Variants in ADAMTSL1 observed in about 807,000 individuals in gnomAD.
ADAMTSL1 encodes the protein ADAMTS like 1, also known as ADAMTS-like protein 1.
A neutral mutation model predicts 201.8 loss-of-function variants in ADAMTSL1; 126 were observed. The ratio of observed to expected loss-of-function variants is 0.62; its 90% CI spans 0.54 to 0.72. The LOEUF (loss-of-function observed/expected upper bound fraction) is 0.72. ADAMTSL1 is among the 30% of genes least tolerant of loss of function. The probability of loss-of-function intolerance (pLI) is 0.00; values close to 1 mark genes in which losing one functional copy is unlikely to be tolerated. For synonymous variants in ADAMTSL1, 1,121 were observed against 903.4 expected (o/e 1.24, Z -4.32); for missense variants, 2,679 against 2,277.8 (o/e 1.18, Z -3.59).
chr9:18,199,365 A>T (rs963515573), intron 2 of ADAMTSL1, among the ~76,000 whole-genome samples: 1 of 152,124 alleles, frequency 6.6e-6, no homozygotes, highest in African/African-American at 2.4e-5. Flanking sequence ...TAAAAATAAA[A>T]AATGAATATA....
chr9:18,339,707 T>G (rs1190322343), intron 2 of ADAMTSL1, among the ~76,000 whole-genome samples: 3 of 152,154 alleles, frequency 2.0e-5, no homozygotes, highest in African/African-American at 7.2e-5. Flanking sequence ...CCCAAAGTGT[T>G]GGGATAACAG....
chr9:18,118,175 A>G (rs1474371961), intron 1 of ADAMTSL1, among the ~76,000 whole-genome samples: 1 of 152,198 alleles, frequency 6.6e-6, no homozygotes, highest in Non-Finnish European at 1.5e-5. Flanking sequence ...TTGCATCTTG[A>G]TTAAAAAGAG....
At chr9:18,611,286 A>C (rs1471285688) in intron 4 of ADAMTSL1, among the ~76,000 whole-genome samples, 2 of 152,186 alleles carry the variant, frequency 1.3e-5, no homozygotes, top group Non-Finnish European at 2.9e-5. Context: ...GCAAGGCCAG[A>C]GGTCAGGCCT....
chr9:18,640,395 T>G (rs983797207), intron 7 of ADAMTSL1, among the ~76,000 whole-genome samples: 3 of 152,158 alleles, frequency 2.0e-5, no homozygotes, highest in Admixed American at 6.6e-5. Flanking sequence ...CTTTATTCTT[T>G]GAAGCCCTTG....
intron 1 of ADAMTSL1, among the ~76,000 whole-genome samples, chr9:18,476,493 G>A (rs190291141): frequency 2.2e-4 from 33 of 152,202 alleles, no homozygotes; most frequent in African/African-American, 7.2e-4. Context: ...AATATCATGA[G>A]CACTTGTTAA....
intron 23 of ADAMTSL1, among the ~76,000 whole-genome samples, chr9:18,854,020 T>G (rs1473331875): frequency 6.6e-6 from 1 of 152,126 alleles, no homozygotes; most frequent in Non-Finnish European, 1.5e-5. Context: ...GGTTGTAATC[T>G]TTCACCTTTT....
intron 1 of ADAMTSL1, among the ~76,000 whole-genome samples, chr9:17,909,042 G>A (rs1194137520): frequency 3.9e-4 from 58 of 149,346 alleles, no homozygotes; most frequent in African/African-American, 1.2e-3. Flanking sequence ...ATCTCATTGT[G>A]GTTTTGATTT....
upstream of ADAMTSL1, among the ~76,000 whole-genome samples, chr9:18,471,339 C>G (rs1335035600): frequency 2.0e-5 from 3 of 152,142 alleles, no homozygotes; most frequent in African/African-American, 7.2e-5. Context: ...TAAACCGTGG[C>G]TCAATGGCCA....
intron 2 of ADAMTSL1, among the ~76,000 whole-genome samples, chr9:18,285,904 T>A (rs1192804315): frequency 6.6e-6 from 1 of 152,176 alleles, no homozygotes; most frequent in Non-Finnish European, 1.5e-5. Context: ...CTGGGTTTTT[T>A]AGCATATTCA....
intron 2 of ADAMTSL1, among the ~76,000 whole-genome samples, chr9:18,359,683 G>T (rs1429800729): frequency 6.6e-6 from 1 of 152,060 alleles, no homozygotes; most frequent in Admixed American, 6.6e-5. Flanking sequence ...TCTTTTGTAA[G>T]CCTTCACCCA....
chr9:18,740,457 CT>C (rs66460645), intron 15 of ADAMTSL1, among the ~76,000 whole-genome samples: 66,595 of 126,300 alleles, frequency 0.53, 16,864 homozygotes, highest in South Asian at 0.66. Context: ...ATGTTCCTTT[CT>C]TTTTTTTTTT....
chr9:18,219,840 T>C (rs142701374), intron 2 of ADAMTSL1, among the ~76,000 whole-genome samples: 131 of 152,296 alleles, frequency 8.6e-4, no homozygotes, highest in African/African-American at 3.1e-3. Context: ...ACAACTGATA[T>C]CAAGTGTACT....
At chr9:18,148,878 G>C (rs1411793) in intron 1 of ADAMTSL1, among the ~76,000 whole-genome samples, 72,570 of 151,944 alleles carry the variant, frequency 0.48, 17,700 homozygotes, top group Admixed American at 0.56. Flanking sequence ...TAGGCTCTAA[G>C]TCTATATGTA....
intron 1 of ADAMTSL1, among the ~76,000 whole-genome samples, chr9:18,096,168 G>A (rs1410496673): frequency 2.0e-5 from 3 of 152,108 alleles, no homozygotes; most frequent in Non-Finnish European, 4.4e-5. Context: ...AATATGGCAT[G>A]TACTACTTTT....
intron 4 of ADAMTSL1, among the ~76,000 whole-genome samples, chr9:18,585,996 A>G (rs1021805675): frequency 2.0e-5 from 3 of 152,240 alleles, no homozygotes; most frequent in Admixed American, 2.0e-4. Flanking sequence ...CTGAATGAGC[A>G]AAAGCCAGAA....
rs368118881 is a variant in ADAMTSL1, at chr9:18,195,977, A to G, written c.207+31996A>G. Among the ~76,000 whole-genome samples the G allele has an allele frequency of 2.6e-5, 4 of 152,130 alleles. No individual in the cohort carries two copies. The East Asian group carries it at 7.7e-4, about 29-fold the overall frequency. Reference sequence around the variant, plus strand: ...TTAAAAACTGTATTTTTGAAACTTAAAAGAAAAAAAACAATTCATACATCA... The same window carrying G: ...TTAAAAACTGTATTTTTGAAACTTAGAAGAAAAAAAACAATTCATACATCA... On this transcript the variant is annotated intron_variant, in intron 2 of 29. Coordinates refer to the ADAMTSL1 transcript ENST00000680146.
intron 1 of ADAMTSL1, among the ~76,000 whole-genome samples, chr9:17,970,941 T>C (rs1230749517): frequency 6.6e-6 from 1 of 152,146 alleles, no homozygotes; most frequent in Non-Finnish European, 1.5e-5. Flanking sequence ...TATGCAATCA[T>C]AAACATGCTT....
chr9:18,309,072 C>G (rs929079207), intron 2 of ADAMTSL1, among the ~76,000 whole-genome samples: 2 of 152,104 alleles, frequency 1.3e-5, no homozygotes, highest in African/African-American at 2.4e-5. Flanking sequence ...TAAACAAAAC[C>G]AATGACAAAA....
chr9:18,303,978 C>T (rs1833805150), intron 2 of ADAMTSL1, among the ~76,000 whole-genome samples: 1 of 152,096 alleles, frequency 6.6e-6, no homozygotes, highest in South Asian at 2.1e-4. Flanking sequence ...TCCCAGAGCT[C>T]TCCACCCGTT....
Sources: gnomAD v4.1 joint callset for allele counts (sites outside exome capture counted in the v4.1 genomes callset) on GRCh38, gnomAD v4.1.1 for gene constraint, MANE v1.5 for transcripts, NCBI Gene and HGNC (gene_info 2026-07-23, HGNC 2026-07-21) for gene names.